The following TENM1 variants were observed in gnomAD, a reference collection of about 807,000 sequenced individuals.
TENM1 encodes teneurin transmembrane protein 1, also known as teneurin-1.
In TENM1, 35 loss-of-function variants were observed where a neutral mutation model predicts 174.8. The ratio of observed to expected loss-of-function variants is 0.20; its 90% CI spans 0.15 to 0.27. The LOEUF (loss-of-function observed/expected upper bound fraction) is 0.27. Ranked by LOEUF, TENM1 falls within the 10% of genes least tolerant of loss-of-function variation. TENM1 has a pLI of 1.00. For synonymous variants in TENM1, 781 were observed against 798.7 expected, an observed-to-expected ratio of 0.98 and a Z score of 0.37; for missense variants, 1,633 against 2,130.1, an observed-to-expected ratio of 0.77 and a Z score of 4.59.
chrX:124,556,003 CT>C (rs2148145115), intron 14 of TENM1, among the ~76,000 whole-genome samples: 1 of 112,078 alleles, frequency 8.9e-6, no homozygotes, highest in South Asian at 3.7e-4. Flanking sequence ...AAAAGCAGAG[CT>C]TTCAATGGAA....
At chrX:124,750,228 G>T (rs1263882755) in intron 3 of TENM1, among the ~76,000 whole-genome samples, 1 of 111,475 alleles carries the variant, frequency 9.0e-6, no homozygotes, top group African/African-American at 3.3e-5. Flanking sequence ...AGATGTTAAG[G>T]CCTCTTCCCA....
intron 3 of TENM1, among the ~76,000 whole-genome samples, chrX:124,788,821 C>G (rs189981205): frequency 6.9e-4 from 77 of 112,071 alleles, no homozygotes; most frequent in African/African-American, 2.4e-3. Flanking sequence ...TGTGGCTTTT[C>G]CAGGTGCATG....
At chrX:125,057,919 T>A in the TENM1 span, among the ~76,000 whole-genome samples, 3 of 112,120 alleles carry the variant, frequency 2.7e-5, no homozygotes, top group Admixed American at 9.5e-5. Context: ...GGGAGCTTCA[T>A]GGACTATTCA....
intron 3 of TENM1, among the ~76,000 whole-genome samples, chrX:124,802,701 G>A (rs975210170): frequency 8.9e-6 from 1 of 111,881 alleles, no homozygotes; most frequent in Non-Finnish European, 1.9e-5. Context: ...GGTTCTTTTC[G>A]ATGGGAGCCT....
At chrX:124,681,131 T>C (rs1434608477) in intron 5 of TENM1, among the ~76,000 whole-genome samples, 1 of 112,003 alleles carries the variant, frequency 8.9e-6, no homozygotes, top group African/African-American at 3.2e-5. Flanking sequence ...GCCATAAATA[T>C]GTGGTATGTG....
At chrX:124,969,635 G>T in the TENM1 span, among the ~76,000 whole-genome samples, 1 of 111,943 alleles carries the variant, frequency 8.9e-6, no homozygotes, top group Non-Finnish European at 1.9e-5. Context: ...CCATTTTGCA[G>T]ATAAAGAAAA....
intron 11 of TENM1, among the ~76,000 whole-genome samples, chrX:124,577,114 T>C (rs2049185496): frequency 8.9e-6 from 1 of 111,976 alleles, no homozygotes; most frequent in Non-Finnish European, 1.9e-5. Flanking sequence ...CATTCAACAC[T>C]ATTGCTAAGG....
chrX:124,385,813 G>C (rs759953672), exon 29 of TENM1: 1 of 1,211,651 alleles, frequency 8.3e-7, no homozygotes, highest in South Asian at 1.8e-5. Context: ...TTGCTTGCTT[G>C]GTGTACTTGT....
the TENM1 span, among the ~76,000 whole-genome samples, chrX:124,989,804 C>T: frequency 1.2e-3 from 128 of 110,160 alleles, no homozygotes; most frequent in Middle Eastern, 4.7e-3. Context: ...TAATAACTTT[C>T]ACATTCCCAT....
At chrX:124,586,538 C>G (rs1449269836) in intron 11 of TENM1, among the ~76,000 whole-genome samples, 1 of 111,178 alleles carries the variant, frequency 9.0e-6, no homozygotes, top group Non-Finnish European at 1.9e-5. Context: ...GGACCTATCT[C>G]AAAATAATAA....
chrX:124,631,817 G>A (rs1252166128), intron 11 of TENM1, among the ~76,000 whole-genome samples: 1 of 104,518 alleles, frequency 9.6e-6, no homozygotes, highest in Non-Finnish European at 2.0e-5. Flanking sequence ...GGAGAATCAC[G>A]GGCGAAGGTT....
At chrX:124,588,283 A>T (rs1284130185) in intron 11 of TENM1, among the ~76,000 whole-genome samples, 1 of 111,565 alleles carries the variant, frequency 9.0e-6, no homozygotes, top group Non-Finnish European at 1.9e-5. Flanking sequence ...AAAGACTTGG[A>T]ACCAACCCAA....
At chrX:124,893,897 C>G (rs1402316883) in intron 3 of TENM1, among the ~76,000 whole-genome samples, 1 of 111,500 alleles carries the variant, frequency 9.0e-6, no homozygotes, top group Non-Finnish European at 1.9e-5. Flanking sequence ...AACTGCTAGG[C>G]AACATCTGAA....
At chrX:124,911,680 TA>T (rs1417340515) in intron 1 of TENM1, among the ~76,000 whole-genome samples, 1 of 111,970 alleles carries the variant, frequency 8.9e-6, no homozygotes, top group East Asian at 2.8e-4. Context: ...GCATCTGTAC[TA>T]TAAGTGTAGG....
intron 5 of TENM1, among the ~76,000 whole-genome samples, chrX:124,692,241 A>C (rs2052542411): frequency 1.8e-5 from 2 of 111,350 alleles, no homozygotes; most frequent in African/African-American, 6.5e-5. Context: ...CATTGAGTAC[A>C]CATGTTCACA....
At chrX:124,760,815 C>G (rs1172178173) in intron 3 of TENM1, among the ~76,000 whole-genome samples, 4 of 111,681 alleles carry the variant, frequency 3.6e-5, no homozygotes, top group African/African-American at 1.3e-4. Context: ...GGGCTAATAT[C>G]CAGAATCTAC....
chrX:124,453,117 A>G (rs969270050), intron 23 of TENM1, among the ~76,000 whole-genome samples: 4 of 111,978 alleles, frequency 3.6e-5, no homozygotes, highest in African/African-American at 6.5e-5. Flanking sequence ...ATTGTATGTC[A>G]ATATTCTACC....
intron 22 of TENM1, among the ~76,000 whole-genome samples, chrX:124,468,919 T>C (rs144217277): frequency 5.6e-5 from 6 of 107,196 alleles, no homozygotes; most frequent in African/African-American, 2.0e-4. Context: ...TCATTTTTAC[T>C]GTTGTATAAA....
chrX:124,377,885 C>T (rs2060119182), exon 32 of TENM1: 1 of 112,112 alleles, frequency 8.9e-6, no homozygotes, highest in Admixed American at 9.5e-5. Context: ...TCAATGAAGG[C>T]ATTCTTTCTA....
Sources: gnomAD v4.1 joint callset for allele counts (sites outside exome capture counted in the v4.1 genomes callset) on GRCh38, gnomAD v4.1.1 for gene constraint, MANE v1.5 for transcripts, NCBI Gene and HGNC (gene_info 2026-07-23, HGNC 2026-07-21) for gene names.